EGFL7: variants seen among roughly 807,000 people sequenced by gnomAD.
The protein encoded by EGFL7 is epidermal growth factor-like protein 7.
In EGFL7, 48 loss-of-function variants were observed where a neutral mutation model predicts 37.1. The ratio of observed to expected loss-of-function variants is 1.29; its 90% CI spans 1.03 to 1.65. The LOEUF (loss-of-function observed/expected upper bound fraction) is 1.65. Ranked by LOEUF, EGFL7 falls within the 40% of genes most tolerant of loss-of-function variation. EGFL7 has a pLI of 0.00. For missense variants in EGFL7, 384 were observed against 378.9 expected (o/e 1.01, Z -0.11); for synonymous variants, 180 against 156.8 (o/e 1.15, Z -1.10).
At position 136,672,130 on chromosome 9, in the gene EGFL7, G is replaced by A. The variant is rs1351883224; in HGVS notation, c.799+42G>A. The stretch of plus-strand genomic sequence containing the variant: ...TCCAGAGCCCTCCTCCCGGGTCTGG[G>A]CCCAGTGGGCCTAGAGGGGCTACCC... On this transcript the variant is annotated intron_variant, in intron 10 of 10. Coordinates refer to ENST00000308874, the MANE Select transcript of EGFL7 (RefSeq NM_016215.5). 17 of 1,558,608 alleles carry A rather than the reference G, an allele frequency of 1.1e-5. No homozygotes were observed. The South Asian group carries it at 1.8e-4, about 16-fold the overall frequency.
intron 3 of EGFL7, among the ~76,000 whole-genome samples, 165 bp downstream of exon 3, chr9:136,664,950 G>A (rs1362250085): frequency 6.6e-6 from 1 of 152,278 alleles, no homozygotes; most frequent in East Asian, 1.9e-4. Context: ...AACAATTGTT[G>A]TGTGGCCACG....
At chr9:136,671,480 G>A (rs940389875) in intron 9 of EGFL7, among the ~76,000 whole-genome samples, 19 of 152,040 alleles carry the variant, frequency 1.2e-4, no homozygotes, top group African/African-American at 3.9e-4. Flanking sequence ...GCTGACTGCC[G>A]AGGGGGCCCT....
In EGFL7 at chr9:136,669,992, G is replaced by A. The variant is rs749488982; in HGVS notation, c.392G>A (p.Gly131Asp). 1.9e-6 allele frequency: 3 copies of A among 1,599,802 alleles called. No homozygotes were observed. The South Asian group carries it at 3.3e-5, about 18-fold the overall frequency. ...TGCCGCTGCCCTGCAGGATGGCGGG[G>A]TGACACTTGCCAGTCAGGTGAGGCT... ...GRCRCPAGWR[G>D]DTCQSDVDEC... The change falls in exon 7 of 11, where the codon GGT becomes GAT. Residue 131 changes from glycine (G) to aspartate (D), a missense_variant. Coordinates refer to ENST00000308874, the MANE Select transcript of EGFL7 (RefSeq NM_016215.5).
rs1845269221 is a variant in EGFL7 at position 136,663,457 on chromosome 9, G to A, written c.-303G>A. The A allele has an allele frequency of 6.6e-6, 1 of 152,346 alleles. No homozygotes were observed. Among genetic ancestry groups the A allele is most frequent in the African/African-American group, 2.4e-5 (1 of 41,472 alleles). 9.4% of individuals were successfully genotyped at this position (152,346 alleles called of 1,614,324 possible). On this transcript the variant is annotated 5_prime_UTR_variant, in exon 2 of 11. It removes the in-frame stop codon of an upstream open reading frame in the 5' UTR. Transcript: ENST00000308874. Reference sequence around the variant, plus strand: ...AGTTCAGCTTGGCTGGGCCCGCTGTGAGGGGCTTCGCGCTACGCCCTGCGG... The same window carrying A: ...AGTTCAGCTTGGCTGGGCCCGCTGTAAGGGGCTTCGCGCTACGCCCTGCGG...
At chr9:136,669,092 G>A (rs548496042) in intron 5 of EGFL7, among the ~76,000 whole-genome samples, 1 of 152,168 alleles carries the variant, frequency 6.6e-6, no homozygotes, top group Non-Finnish European at 1.5e-5. Flanking sequence ...GGCCCCCAGT[G>A]GGCACAGATG....
At chr9:136,670,913 C>T (rs377679145) in intron 8 of EGFL7, 37 bp from the exon 9 acceptor site, 49 of 1,541,448 alleles carry the variant, frequency 3.2e-5, no homozygotes, top group Middle Eastern at 1.7e-4. Context: ...GGTGGGGAGC[C>T]GGCCGGCCGT....
intron 6 of EGFL7, 46 bp from the exon 7 acceptor site, chr9:136,669,868 T>TGCTGGGGACCCAACTGA: frequency 1.3e-6 from 2 of 1,525,400 alleles, no homozygotes; most frequent in South Asian, 2.4e-5. Context: ...CCCCACAGGG[T>TGCTGGGGACCCAACTGA]GCTGGGGACC....
intron 9 of EGFL7, 38 bp from the exon 10 acceptor site, chr9:136,671,888 G>C (rs889075356): frequency 3.8e-5 from 56 of 1,457,496 alleles, no homozygotes; most frequent in Non-Finnish European, 5.1e-5. Flanking sequence ...AGAGAGGGCG[G>C]GGGCCGGCCC....
upstream of EGFL7, among the ~76,000 whole-genome samples, chr9:136,661,508 C>T (rs946838216): frequency 4.6e-5 from 7 of 152,178 alleles, no homozygotes; most frequent in African/African-American, 1.2e-4. Context: ...AGGCCCCTCC[C>T]GCTCAGACCA....
rs1845722902 is a variant in EGFL7 at position 136,669,789 on chromosome 9, CCTG to C, written c.313+74_313+76del. On this transcript the variant is annotated intron_variant, in intron 6 of 10. Transcript: ENST00000308874. ...TGTTCCCCAATCTTCCAGCAACGCT[CCTG>C]CTGCTTTTCTTGAACCCCGAGCAAA... 11 of 1,455,854 alleles carry C rather than the reference CCTG, an allele frequency of 7.6e-6. No homozygotes were observed. The Admixed American group carries it at 1.7e-4, about 22-fold the overall frequency. The allele number at this position is 1,455,854 out of a possible 1,614,324, so 90.2% of individuals were successfully genotyped here. A position where few individuals can be genotyped will look rare whatever the true frequency, so the allele number is the denominator to read the frequency against.
intron 3 of EGFL7, among the ~76,000 whole-genome samples, chr9:136,667,287 C>G (rs1845538822): frequency 6.6e-6 from 1 of 152,196 alleles, no homozygotes; most frequent in South Asian, 2.1e-4. Context: ...CCTTTCCCTG[C>G]GGAGGGCCCT....
intron 9 of EGFL7, among the ~76,000 whole-genome samples, chr9:136,671,530 C>G: frequency 7.4e-6 from 1 of 135,516 alleles, no homozygotes; most frequent in East Asian, 2.0e-4. Context: ...TGGACACTGA[C>G]CAGGACCCCC....
rs202142936 is a variant in EGFL7, at chr9:136,672,294, G to C, written c.*8G>C. The C allele has an allele frequency of 4.0e-4, 638 of 1,613,238 alleles. 1 individual carries two copies. Among genetic ancestry groups the C allele is most frequent in the Non-Finnish European group, 5.2e-4 (615 of 1,179,938 alleles). ...TGCAAGAAAGACTCGTGACTGCCCA[G>C]CGCCCCAGGCTGGACTGAGCCCCTC... is the stretch of plus-strand genomic sequence containing the variant. On this transcript the variant is annotated 3_prime_UTR_variant, in exon 11 of 11. Transcript: ENST00000308874.
chr9:136,670,440 G>A (rs1845773820), intron 8 of EGFL7, 110 bp downstream of exon 8: 1 of 1,314,422 alleles, frequency 7.6e-7, no homozygotes, highest in Non-Finnish European at 1.1e-6. Flanking sequence ...AAGGCGGTGG[G>A]GACTCCCTCT....
intron 3 of EGFL7, chr9:136,665,701 C>CGGGGCGGGGCCGCCAGGT (rs1200331810): frequency 1.2e-4 from 5 of 43,464 alleles, no homozygotes; most frequent in Non-Finnish European, 2.0e-4. Flanking sequence ...GCAATGGGGG[C>CGGGGCGGGGCCGCCAGGT]GGGGCGGGGC....
Position 136,670,320 on chromosome 9 carries a change from C to A in EGFL7, c.561C>A (p.Pro187=). 6.3e-7 allele frequency: 1 copy of A among 1,576,340 alleles called. No homozygotes were observed. The highest frequency in any genetic ancestry group is 8.6e-7 in the Non-Finnish European group (1 of 1,158,224). The change falls in exon 8 of 11, where the codon CCC becomes CCA. Residue 187 remains proline (P), a synonymous_variant. Transcript: ENST00000308874. ...VPKGGPPRVA[P]NPTGVDSAMK... ...AGGGAGGGCCCCCCAGGGTGGCCCC[C>A]AACCCGACAGGTAAACAGCCCTGGC... is the stretch of plus-strand genomic sequence containing the variant.
chr9:136,671,559 G>A (rs995150987), intron 9 of EGFL7, among the ~76,000 whole-genome samples: 4 of 151,774 alleles, frequency 2.6e-5, no homozygotes, highest in Admixed American at 1.3e-4. Flanking sequence ...GAGGAACCAA[G>A]CTTGACAGCC....
intron 2 of EGFL7, among the ~76,000 whole-genome samples, chr9:136,664,300 G>A (rs1018511950): frequency 9.2e-5 from 14 of 152,180 alleles, no homozygotes; most frequent in Non-Finnish European, 1.8e-4. Flanking sequence ...CCAGGGACCT[G>A]GGCCCCTCCC....
At chr9:136,661,148 C>T (rs780242839), upstream of EGFL7, among the ~76,000 whole-genome samples, 11 of 152,158 alleles carry the variant, frequency 7.2e-5, no homozygotes, top group Non-Finnish European at 1.3e-4. Flanking sequence ...GGGGCCTTCC[C>T]GGTGAACTGA....
Sources: allele counts gnomAD v4.1 joint callset (sites outside exome capture counted in the v4.1 genomes callset), GRCh38; gene constraint gnomAD v4.1.1; transcripts MANE v1.5; gene names NCBI Gene and HGNC (gene_info 2026-07-23, HGNC 2026-07-21).